ZNF675: variants seen among roughly 807,000 people sequenced by gnomAD.
The protein encoded by ZNF675 is zinc finger protein 675.
Under a neutral mutation model 56.1 loss-of-function variants are expected in ZNF675, and 36 were observed. That is an observed-to-expected ratio of 0.64 (90% CI 0.49 to 0.85). The LOEUF (loss-of-function observed/expected upper bound fraction) is 0.85. Ranked by LOEUF, ZNF675 falls within the 40% of genes least tolerant of loss-of-function variation. ZNF675 has a pLI of 0.00. For missense variants in ZNF675, 663 were observed against 654.2 expected (o/e 1.01, Z -0.15); for synonymous variants, 200 against 218.9 (o/e 0.91, Z 0.76).
intron 1 of ZNF675, among the ~76,000 whole-genome samples, chr19:23,665,365 G>A (rs1968136182): frequency 1.3e-5 from 2 of 149,018 alleles, no homozygotes; most frequent in African/African-American, 5.0e-5. Context: ...TCAAACCTGG[G>A]CTGAAAACCA....
At chr19:23,676,917 AC>A (rs1418206465) in intron 1 of ZNF675, among the ~76,000 whole-genome samples, 4 of 151,392 alleles carry the variant, frequency 2.6e-5, no homozygotes, top group Non-Finnish European at 4.4e-5. Flanking sequence ...TACTAAAAAT[AC>A]AAAAAATTAG....
intron 1 of ZNF675, among the ~76,000 whole-genome samples, chr19:23,667,779 T>C (rs1968173075): frequency 6.7e-6 from 1 of 149,742 alleles, no homozygotes; most frequent in Non-Finnish European, 1.5e-5. Context: ...TTACAATCCC[T>C]GAGCTAGACA....
rs66775732 is a variant in ZNF675 at position 23,655,236 on chromosome 19, C to CAAA, written c.227-533_227-531dup. ...TGGGTGACAAAGCAAGACTCTGTCT[C>CAAA]AAAAAAAAAAAAAAAGTAAATTGCA... On this transcript the variant is annotated intron_variant, in intron 3 of 3. Coordinates refer to ENST00000359788, the MANE Select transcript of ZNF675 (RefSeq NM_138330.3). 499 of 105,764 alleles carry CAAA rather than the reference C, an allele frequency of 4.7e-3. 1 individual carries two copies. The highest frequency in any genetic ancestry group is 0.016 in the African/African-American group (472 of 29,288). 6.6% of individuals were successfully genotyped at this position (105,764 alleles called of 1,614,324 possible). A position where few individuals can be genotyped will look rare whatever the true frequency, so the allele number is the denominator to read the frequency against.
Position 23,654,189 on chromosome 19 carries a change from T to C in ZNF675, c.744A>G (p.Lys248=). Reference sequence around the variant, plus strand: ...TGTATGGTTTCTCTCGAGCATAATCTTTTTTATATTCAGTAAGGTTTGAGA... The same window carrying C: ...TGTATGGTTTCTCTCGAGCATAATCCTTTTTATATTCAGTAAGGTTTGAGA... ...NQFSNLTEYK[K]DYAREKPYKC... Residue 248 remains lysine, a synonymous_variant, in exon 4 of 4, where the codon AAA becomes AAG. Transcript: ENST00000359788. 1 of 1,614,044 alleles carries C rather than the reference T, an allele frequency of 6.2e-7. No homozygotes were observed. The highest frequency in any genetic ancestry group is 8.5e-7 in the Non-Finnish European group (1 of 1,179,990).
chr19:23,682,635 G>C (rs1169471064), intron 1 of ZNF675, among the ~76,000 whole-genome samples: 1 of 151,652 alleles, frequency 6.6e-6, no homozygotes, highest in African/African-American at 2.4e-5. Flanking sequence ...TCCCCAGAAA[G>C]AACTAACTGG....
At chr19:23,674,731 G>A (rs1190440226) in intron 1 of ZNF675, among the ~76,000 whole-genome samples, 1 of 151,490 alleles carries the variant, frequency 6.6e-6, no homozygotes, top group Non-Finnish European at 1.5e-5. Flanking sequence ...CACTTTGAGA[G>A]GCCAAGGTGG....
Position 23,681,597 on chromosome 19 carries a change from C to T in ZNF675, c.3+5434G>A, listed in dbSNP as rs547632047. ...CTGAACACCAAGCAATCCTCCAACA[C>T]TCATTGTCTAACGTTTGAATTCTGA... On this transcript the variant is annotated intron_variant, in intron 1 of 3. Coordinates refer to ENST00000359788, the MANE Select transcript of ZNF675 (RefSeq NM_138330.3). Among the ~76,000 whole-genome samples, 9 of 151,716 alleles carry T rather than the reference C, an allele frequency of 5.9e-5. 1 individual carries two copies. The highest frequency in any genetic ancestry group is 2.2e-4 in the African/African-American group (9 of 41,032).
chr19:23,663,818 A>G (rs2144930374), intron 1 of ZNF675, among the ~76,000 whole-genome samples: 2 of 152,350 alleles, frequency 1.3e-5, no homozygotes, highest in Middle Eastern at 3.4e-3. Context: ...ATAATAGCTA[A>G]TTGAGAACAC....
chr19:23,653,034 A>C lies in ZNF675; in HGVS notation c.*192T>G. 3.7e-6 allele frequency: 2 copies of C among 536,684 alleles called. No individual in the cohort carries two copies. The highest frequency in any genetic ancestry group is 3.8e-5 in the African/African-American group (2 of 52,864). 33.2% of individuals were successfully genotyped at this position (536,684 alleles called of 1,614,324 possible). Reference sequence around the variant, plus strand: ...AGTATAAACGCTTTCCTGTGCAATAAGGTTTGAGCCTTAATTAACAGTATT... The same window carrying C: ...AGTATAAACGCTTTCCTGTGCAATACGGTTTGAGCCTTAATTAACAGTATT... On this transcript the variant is annotated 3_prime_UTR_variant, in exon 4 of 4. Transcript: ENST00000359788.
chr19:23,672,141 A>C (rs1352510763), intron 1 of ZNF675, among the ~76,000 whole-genome samples: 1 of 150,346 alleles, frequency 6.7e-6, no homozygotes, highest in African/African-American at 2.5e-5. Context: ...CCACAACTTG[A>C]ATTGCATGTC....
At chr19:23,670,956 C>T (rs1968219854) in intron 1 of ZNF675, among the ~76,000 whole-genome samples, 1 of 152,092 alleles carries the variant, frequency 6.6e-6, no homozygotes, top group African/African-American at 2.4e-5. Context: ...ACTACTGATC[C>T]TCATTGAAAC....
intron 1 of ZNF675, among the ~76,000 whole-genome samples, chr19:23,668,756 A>G (rs184526266): frequency 0.11 from 16,261 of 152,196 alleles, 1,003 homozygotes; most frequent in East Asian, 0.22. Flanking sequence ...CACCCTCCGC[A>G]GCCGCTGGCC....
chr19:23,678,457 G>A (rs1968330573), intron 1 of ZNF675, among the ~76,000 whole-genome samples: 1 of 150,080 alleles, frequency 6.7e-6, no homozygotes, highest in Admixed American at 6.6e-5. Context: ...CACCATGTTG[G>A]CCAGGCTGGT....
In ZNF675 at chr19:23,687,154, G is replaced by A; in HGVS notation, c.-121C>T. On this transcript the variant is annotated 5_prime_UTR_variant, in exon 1 of 4. It introduces an in-frame stop codon into an upstream open reading frame of the 5' UTR. Transcript: ENST00000359788. Reference sequence around the variant, plus strand: ...ACACAGAGCAATGAAAGCGAGACCTGGAGCTCCGGCTGCAGCGAGAGACAA... The same window carrying A: ...ACACAGAGCAATGAAAGCGAGACCTAGAGCTCCGGCTGCAGCGAGAGACAA... The A allele has an allele frequency of 3.2e-6, 4 of 1,238,072 alleles. No homozygotes were observed. The highest frequency in any genetic ancestry group is 4.7e-6 in the Non-Finnish European group (4 of 855,548). 76.7% of individuals were successfully genotyped at this position (1,238,072 alleles called of 1,614,324 possible).
intron 1 of ZNF675, among the ~76,000 whole-genome samples, chr19:23,669,863 TAA>T (rs56754101): frequency 9.5e-5 from 14 of 147,888 alleles, no homozygotes; most frequent in African/African-American, 2.0e-4. Flanking sequence ...AAAAAAAAAT[TAA>T]AAAAAAAAAA....
At chr19:23,683,384 A>G (rs1968401633) in intron 1 of ZNF675, among the ~76,000 whole-genome samples, 1 of 149,030 alleles carries the variant, frequency 6.7e-6, no homozygotes, top group Admixed American at 6.6e-5. Flanking sequence ...TAACTCACCA[A>G]TTATCTACTA....
At chr19:23,663,486 G>A (rs1242682653) in intron 1 of ZNF675, among the ~76,000 whole-genome samples, 1 of 152,124 alleles carries the variant, frequency 6.6e-6, no homozygotes. Flanking sequence ...GAGGTCGGGA[G>A]TTCCAAGACC....
intron 1 of ZNF675, among the ~76,000 whole-genome samples, chr19:23,684,196 AGCTTGCAGT>A (rs1968413725): frequency 6.6e-6 from 1 of 151,360 alleles, no homozygotes; most frequent in Non-Finnish European, 1.5e-5. Context: ...CGGGAGGCAG[AGCTTGCAGT>A]GACCCCAGAT....
At chr19:23,667,088 C>A (rs376867114) in intron 1 of ZNF675, among the ~76,000 whole-genome samples, 1 of 151,870 alleles carries the variant, frequency 6.6e-6, no homozygotes, top group East Asian at 1.9e-4. Context: ...CAGATGTGTT[C>A]GGAGTTTCTT....
Sources: allele counts gnomAD v4.1 joint callset (sites outside exome capture counted in the v4.1 genomes callset), GRCh38; gene constraint gnomAD v4.1.1; transcripts MANE v1.5; gene names NCBI Gene and HGNC (gene_info 2026-07-23, HGNC 2026-07-21).